Variants in NLGN1 observed in about 807,000 individuals in gnomAD.
The protein encoded by NLGN1 is neuroligin 1.
In NLGN1, 12 loss-of-function variants were observed where a neutral mutation model predicts 65.5. The ratio of observed to expected loss-of-function variants is 0.18; its 90% CI spans 0.12 to 0.30. The LOEUF is 0.30. Among genes scored for constraint, NLGN1 ranks in the 10% least tolerant of loss-of-function variants. The pLI, the probability that NLGN1 is intolerant of heterozygous loss-of-function variation, is 1.00. For missense variants in NLGN1, 750 were observed against 1,007.1 expected, an observed-to-expected ratio of 0.74 and a Z score of 3.46; for synonymous variants, 350 against 359.5, an observed-to-expected ratio of 0.97 and a Z score of 0.30.
At chr3:173,719,460 C>G (rs754943035) in intron 3 of NLGN1, among the ~76,000 whole-genome samples, 2 of 152,086 alleles carry the variant, frequency 1.3e-5, no homozygotes, top group Non-Finnish European at 2.9e-5. Context: ...ACAAACTAAT[C>G]TGTGTAAAGG....
At chr3:173,790,942 A>G (rs1036110143) in intron 3 of NLGN1, among the ~76,000 whole-genome samples, 3 of 152,212 alleles carry the variant, frequency 2.0e-5, no homozygotes. Flanking sequence ...ATCTGTCTCT[A>G]AGCCCTTTAT....
intron 1 of NLGN1, among the ~76,000 whole-genome samples, chr3:173,422,143 A>G (rs2148700499): frequency 6.6e-6 from 1 of 151,162 alleles, no homozygotes; most frequent in Admixed American, 6.6e-5. Context: ...AGTACACTAT[A>G]TATACACACA....
At chr3:173,986,279 C>G (rs761616083) in intron 4 of NLGN1, among the ~76,000 whole-genome samples, 1 of 151,920 alleles carries the variant, frequency 6.6e-6, no homozygotes, top group Admixed American at 6.6e-5. Context: ...CAAGGCTGAC[C>G]AACATGGTGA....
Position 173,472,540 on chromosome 3 carries a change from A to G in NLGN1, c.-321+37462A>G, listed in dbSNP as rs578248334. 2.6e-5 allele frequency among the ~76,000 whole-genome samples: 4 copies of G among 152,042 alleles called. No homozygotes were observed. The South Asian group carries it at 8.3e-4, about 32-fold the overall frequency. On this transcript the variant is annotated intron_variant, in intron 2 of 6. Coordinates refer to ENST00000457714, the Ensembl canonical transcript of NLGN1. ...CACTTATCAAATTGTATTTGAGTTA[A>G]CCTTGAGAAACTCTCAGTATCTAGT... is the stretch of plus-strand genomic sequence containing the variant.
chr3:173,769,185 A>C (rs1779215752), intron 3 of NLGN1, among the ~76,000 whole-genome samples: 2 of 152,132 alleles, frequency 1.3e-5, no homozygotes, highest in Admixed American at 6.5e-5. Context: ...CCTACCCCTT[A>C]CACTCATCTT....
At chr3:173,942,964 C>A (rs1210024959) in intron 4 of NLGN1, among the ~76,000 whole-genome samples, 1 of 152,142 alleles carries the variant, frequency 6.6e-6, no homozygotes, top group Non-Finnish European at 1.5e-5. Context: ...GTGGTTCACA[C>A]CTGTAATCCC....
chr3:173,496,133 C>T lies in NLGN1; in HGVS notation c.-321+61055C>T, dbSNP rs182874461. On this transcript the variant is annotated intron_variant, in intron 2 of 6. Coordinates refer to ENST00000457714, the Ensembl canonical transcript of NLGN1. ...TGCCTTCTTTTATGTTTCTCCTTAA[C>T]AAGATTCCATCTCCTTCATTACCCA... 3.4e-3 allele frequency among the ~76,000 whole-genome samples: 509 copies of T among 151,820 alleles called. 9 individuals carry two copies. Among genetic ancestry groups the T allele is most frequent in the Admixed American group, 0.031 (470 of 15,246 alleles).
intron 4 of NLGN1, among the ~76,000 whole-genome samples, chr3:173,997,842 G>A (rs1034198667): frequency 3.9e-5 from 6 of 152,130 alleles, no homozygotes; most frequent in Admixed American, 1.3e-4. Context: ...TAAAATACTA[G>A]AACCAGATTC....
intron 4 of NLGN1, among the ~76,000 whole-genome samples, chr3:174,000,790 AG>A (rs1292449552): frequency 6.6e-6 from 1 of 152,188 alleles, no homozygotes; most frequent in African/African-American, 2.4e-5. Context: ...AAATGAAGAG[AG>A]AAAAGGTAAG....
At chr3:173,725,844 G>C (rs1323134330) in intron 3 of NLGN1, among the ~76,000 whole-genome samples, 1 of 152,004 alleles carries the variant, frequency 6.6e-6, no homozygotes, top group African/African-American at 2.4e-5. Flanking sequence ...TTTTAGAGTT[G>C]AGTTCTCCAC....
chr3:174,120,775 C>T (rs1717607237), intron 4 of NLGN1, among the ~76,000 whole-genome samples: 1 of 152,220 alleles, frequency 6.6e-6, no homozygotes, highest in Non-Finnish European at 1.5e-5. Flanking sequence ...GAGAGTTATG[C>T]TCCCAAAAGG....
intron 4 of NLGN1, among the ~76,000 whole-genome samples, chr3:174,214,640 T>G (rs964260869): frequency 6.6e-6 from 1 of 152,186 alleles, no homozygotes; most frequent in African/African-American, 2.4e-5. Context: ...TGTTTTTAAC[T>G]ATGGCAATAA....
chr3:174,008,841 C>T (rs1724963993), intron 4 of NLGN1, among the ~76,000 whole-genome samples: 1 of 151,746 alleles, frequency 6.6e-6, no homozygotes, highest in Admixed American at 6.6e-5. Flanking sequence ...AAAATCTCTT[C>T]TCAAATTAAA....
chr3:173,633,574 T>G (rs115624534), intron 3 of NLGN1, among the ~76,000 whole-genome samples: 1 of 152,126 alleles, frequency 6.6e-6, no homozygotes, highest in African/African-American at 2.4e-5. Context: ...CTCAGAAATA[T>G]CTAATTCAAA....
At chr3:174,281,421 A>T (rs2152895930) in exon 7 of NLGN1, 1 of 683,020 alleles carries the variant, frequency 1.5e-6, no homozygotes, top group East Asian at 2.7e-5. Context: ...TTATGTGAAT[A>T]TACATATCAA....
At chr3:173,777,234 G>A (rs1780433299) in intron 3 of NLGN1, among the ~76,000 whole-genome samples, 1 of 151,844 alleles carries the variant, frequency 6.6e-6, no homozygotes, top group Admixed American at 6.6e-5. Flanking sequence ...GTAAGTGTTA[G>A]CTTTACTAGT....
chr3:173,501,498 C>T lies in NLGN1; in HGVS notation c.-321+66420C>T, dbSNP rs542676632. Reference sequence around the variant, plus strand: ...GAACTTTAAGCCCCAGAGACTTTATCTACTTCCCACTTAGAAATTCTTTAT... The same window carrying T: ...GAACTTTAAGCCCCAGAGACTTTATTTACTTCCCACTTAGAAATTCTTTAT... On this transcript the variant is annotated intron_variant, in intron 2 of 6. Coordinates refer to ENST00000457714, the Ensembl canonical transcript of NLGN1. Among the ~76,000 whole-genome samples, 3 of 152,194 alleles carry T rather than the reference C, an allele frequency of 2.0e-5. No homozygotes were observed. In the South Asian group the frequency reaches 6.2e-4, roughly 31 times the overall value.
At chr3:173,880,281 T>G (rs1732960401) in intron 4 of NLGN1, among the ~76,000 whole-genome samples, 1 of 152,110 alleles carries the variant, frequency 6.6e-6, no homozygotes, top group South Asian at 2.1e-4. Flanking sequence ...GTAGACCTTT[T>G]CTAGACTTGA....
intron 1 of NLGN1, among the ~76,000 whole-genome samples, chr3:173,400,056 G>A (rs1426719732): frequency 1.3e-5 from 2 of 152,134 alleles, no homozygotes; most frequent in African/African-American, 4.8e-5. Flanking sequence ...GCAAAACACA[G>A]TTAAAAGTAA....
Sources: gnomAD v4.1 joint callset for allele counts (sites outside exome capture counted in the v4.1 genomes callset) on GRCh38, gnomAD v4.1.1 for gene constraint, MANE v1.5 for transcripts, NCBI Gene and HGNC (gene_info 2026-07-23, HGNC 2026-07-21) for gene names.